PDSS2: variants seen among roughly 807,000 people sequenced by gnomAD.
The protein encoded by PDSS2 is decaprenyl diphosphate synthase subunit 2.
Under a neutral mutation model 44.5 loss-of-function variants are expected in PDSS2, and 31 were observed. That is an observed-to-expected ratio of 0.70 (90% CI 0.52 to 0.94). The LOEUF (loss-of-function observed/expected upper bound fraction) is 0.94, where lower values mean the gene tolerates loss of function less well. Among genes scored for constraint, PDSS2 ranks in the 40% least tolerant of loss-of-function variants. The probability of loss-of-function intolerance (pLI) is 0.00; values close to 1 mark genes in which losing one functional copy is unlikely to be tolerated. For synonymous variants in PDSS2, 157 were observed against 180.3 expected (o/e 0.87, Z 1.03); for missense variants, 452 against 482.2 (o/e 0.94, Z 0.59).
chr6:107,320,868 AG>A (rs1190670532), intron 2 of PDSS2, among the ~76,000 whole-genome samples: 1 of 152,218 alleles, frequency 6.6e-6, no homozygotes, highest in Non-Finnish European at 1.5e-5. Flanking sequence ...AAGATGACTA[AG>A]AAAGTATATG....
chr6:107,299,654 C>T (rs967575384), intron 2 of PDSS2, among the ~76,000 whole-genome samples: 1 of 152,186 alleles, frequency 6.6e-6, no homozygotes, highest in Non-Finnish European at 1.5e-5. Flanking sequence ...ATGAAGAATG[C>T]GGCTTCCCGA....
At chr6:107,324,001 C>T (rs758746337) in intron 2 of PDSS2, among the ~76,000 whole-genome samples, 2 of 152,144 alleles carry the variant, frequency 1.3e-5, no homozygotes, top group Non-Finnish European at 2.9e-5. Flanking sequence ...TTGTAAGAAG[C>T]TGATCCTATT....
intron 7 of PDSS2, among the ~76,000 whole-genome samples, chr6:107,161,030 G>A (rs1398063740): frequency 9.9e-5 from 15 of 151,724 alleles, no homozygotes; most frequent in African/African-American, 3.6e-4. Context: ...GAGCCACTGC[G>A]CATGGCCAAT....
chr6:107,351,833 G>C (rs1292552570), intron 1 of PDSS2, among the ~76,000 whole-genome samples: 1 of 151,976 alleles, frequency 6.6e-6, no homozygotes, highest in African/African-American at 2.4e-5. Context: ...TAATCATATA[G>C]TGAGATCCAG....
chr6:107,377,199 A>C (rs978245506), intron 1 of PDSS2, among the ~76,000 whole-genome samples: 23 of 150,832 alleles, frequency 1.5e-4, no homozygotes, highest in African/African-American at 3.9e-4. Context: ...CAAGAAAAAA[A>C]CAAACAACCC....
chr6:107,388,738 G>A (rs1440415425), intron 1 of PDSS2, among the ~76,000 whole-genome samples: 6 of 152,164 alleles, frequency 3.9e-5, no homozygotes, highest in Admixed American at 6.5e-5. Context: ...GATTACAGGC[G>A]TGAGCCACCG....
intron 1 of PDSS2, among the ~76,000 whole-genome samples, chr6:107,360,495 C>T (rs1459800664): frequency 1.3e-5 from 2 of 152,186 alleles, no homozygotes; most frequent in Non-Finnish European, 1.5e-5. Flanking sequence ...AGTAGGCCCA[C>T]CAGAGGCATA....
At chr6:107,304,747 T>A (rs1489310150) in intron 2 of PDSS2, among the ~76,000 whole-genome samples, 1 of 152,214 alleles carries the variant, frequency 6.6e-6, no homozygotes, top group Non-Finnish European at 1.5e-5. Context: ...TTTAAATAAA[T>A]CTTTAGAGAA....
At chr6:107,418,044 G>A (rs1014643471) in intron 1 of PDSS2, among the ~76,000 whole-genome samples, 4 of 152,162 alleles carry the variant, frequency 2.6e-5, no homozygotes, top group African/African-American at 9.6e-5. Flanking sequence ...GACTAGGAAG[G>A]AAAATGTCAA....
chr6:107,424,693 T>TAAAA (rs1562530327), intron 1 of PDSS2, among the ~76,000 whole-genome samples: 1 of 152,082 alleles, frequency 6.6e-6, no homozygotes, highest in Non-Finnish European at 1.5e-5. Context: ...ATAAAATGAA[T>TAAAA]TGTATACCTT....
intron 2 of PDSS2, among the ~76,000 whole-genome samples, chr6:107,304,790 C>T (rs952118241): frequency 8.5e-5 from 13 of 152,220 alleles, no homozygotes; most frequent in Non-Finnish European, 1.9e-4. Context: ...GTAAGTATCG[C>T]TCAAAAGTGA....
rs1562389540 is a variant in PDSS2, at chr6:107,225,165, T to TATATATATA, written c.703-12884_703-12883insTATATATAT. 8.7e-3 allele frequency among the ~76,000 whole-genome samples: 344 copies of TATATATATA among 39,688 alleles called. 10 individuals carry two copies. The highest frequency in any genetic ancestry group is 0.027 in the Middle Eastern group (2 of 74). The allele number at this position is 39,688 out of a possible 152,430, so 26.0% of individuals were successfully genotyped here. ...TATATATATATATATATATATATTTTTTTTTTTTTTTTTTTTTTTTTTTTG... is the reference window on the plus strand; with the variant it reads ...TATATATATATATATATATATATTTTATATATATATTTTTTTTTTTTTTTTTTTTTTTTG... On this transcript the variant is annotated intron_variant, in intron 4 of 7. Transcript: ENST00000369037.
intron 6 of PDSS2, among the ~76,000 whole-genome samples, chr6:107,198,811 A>G (rs1476713004): frequency 6.6e-6 from 1 of 151,244 alleles, no homozygotes; most frequent in African/African-American, 2.4e-5. Context: ...AACAACAACA[A>G]CAACAACAAC....
chr6:107,296,009 A>G (rs1776496981), intron 2 of PDSS2, among the ~76,000 whole-genome samples: 1 of 152,206 alleles, frequency 6.6e-6, no homozygotes, highest in Non-Finnish European at 1.5e-5. Context: ...GAAGTGAGTT[A>G]AAAATGTCAT....
chr6:107,442,657 C>T (rs957954010), intron 1 of PDSS2, among the ~76,000 whole-genome samples: 3 of 152,084 alleles, frequency 2.0e-5, no homozygotes, highest in African/African-American at 4.8e-5. Context: ...TCACGTTCAA[C>T]AGGTCTACAA....
chr6:107,336,823 GTGGTGT>G (rs1777908386), intron 1 of PDSS2, among the ~76,000 whole-genome samples: 1 of 131,256 alleles, frequency 7.6e-6, no homozygotes, highest in Non-Finnish European at 1.6e-5. Context: ...AAAGAGGTGT[GTGGTGT>G]GTGTGTGTGT....
chr6:107,428,676 AT>A (rs1016531079), intron 1 of PDSS2, among the ~76,000 whole-genome samples: 2 of 151,916 alleles, frequency 1.3e-5, no homozygotes, highest in Admixed American at 1.3e-4. Flanking sequence ...ACAAAAAGAA[AT>A]TTTTTTTTAA....
intron 1 of PDSS2, among the ~76,000 whole-genome samples, chr6:107,410,268 G>A (rs1038842911): frequency 6.6e-6 from 1 of 151,994 alleles, no homozygotes; most frequent in African/African-American, 2.4e-5. Context: ...AAAGAAGAAG[G>A]TACTGTCTAT....
intron 6 of PDSS2, among the ~76,000 whole-genome samples, chr6:107,196,241 T>C (rs553204008): frequency 1.3e-5 from 2 of 152,344 alleles, no homozygotes; most frequent in African/African-American, 4.8e-5. Context: ...AATCCCACCA[T>C]AGTAACTTCT....
Sources: allele counts gnomAD v4.1 joint callset (sites outside exome capture counted in the v4.1 genomes callset), GRCh38; gene constraint gnomAD v4.1.1; transcripts MANE v1.5; gene names NCBI Gene and HGNC (gene_info 2026-07-23, HGNC 2026-07-21).